Variants in TRMT9B observed in about 807,000 individuals in gnomAD.
The protein encoded by TRMT9B is probable tRNA methyltransferase 9B.
In TRMT9B, 16 loss-of-function variants were observed where a neutral mutation model predicts 11.5. The observed-to-expected ratio is 1.39, with a 90% CI of 0.94 to 2.11. The LOEUF is 2.11. Among genes scored for constraint, TRMT9B ranks in the 30% most tolerant of loss-of-function variants. The pLI is 0.00. For synonymous variants in TRMT9B, 274 were observed against 192.4 expected, an observed-to-expected ratio of 1.42 and a Z score of -3.51; for missense variants, 941 against 553.8, an observed-to-expected ratio of 1.70 and a Z score of -7.02.
intron 2 of TRMT9B, among the ~76,000 whole-genome samples, chr8:12,998,879 C>A (rs1408268489): frequency 6.6e-6 from 1 of 152,200 alleles, no homozygotes; most frequent in African/African-American, 2.4e-5. Context: ...TGGGAAAAAA[C>A]CTTTTTACTT....
At chr8:12,993,666 C>T (rs935027372) in intron 2 of TRMT9B, among the ~76,000 whole-genome samples, 6 of 152,192 alleles carry the variant, frequency 3.9e-5, no homozygotes, top group Non-Finnish European at 7.3e-5. Flanking sequence ...TCCAATAGCA[C>T]ATTGCTATCT....
intron 3 of TRMT9B, chr8:13,011,073 C>A (rs2946483): frequency 2.4e-6 from 1 of 423,338 alleles, no homozygotes; most frequent in African/African-American, 2.2e-5. Flanking sequence ...CAACCTCCAC[C>A]TCCTGAATTT....
At chr8:12,954,650 C>G (rs1801068369) in intron 1 of TRMT9B, among the ~76,000 whole-genome samples, 1 of 152,192 alleles carries the variant, frequency 6.6e-6, no homozygotes, top group South Asian at 2.1e-4. Flanking sequence ...ATTAAGATAA[C>G]TGGAGAATTC....
At chr8:12,978,015 C>A (rs180881421) in intron 1 of TRMT9B, among the ~76,000 whole-genome samples, 2 of 152,050 alleles carry the variant, frequency 1.3e-5, no homozygotes, top group Admixed American at 6.6e-5. Context: ...CATGACAGAG[C>A]GAGACCCTGT....
chr8:13,012,471 AG>A, intron 3 of TRMT9B: 1 of 560,632 alleles, frequency 1.8e-6, no homozygotes, highest in Non-Finnish European at 2.6e-6. Context: ...CCTACTCGGG[AG>A]GCTAAGGCAA....
chr8:13,012,562 G>T (rs752070881), intron 3 of TRMT9B, 122 bp from the exon 4 acceptor site: 4 of 1,274,016 alleles, frequency 3.1e-6, no homozygotes, highest in African/African-American at 3.0e-5. Flanking sequence ...GTGACTGAGG[G>T]AGACTCTGTC....
At chr8:12,989,154 A>G (rs1317199773) in intron 1 of TRMT9B, among the ~76,000 whole-genome samples, 1 of 152,152 alleles carries the variant, frequency 6.6e-6, no homozygotes, top group Non-Finnish European at 1.5e-5. Flanking sequence ...AGGAAAATAC[A>G]CGCATGGCTT....
intron 1 of TRMT9B, among the ~76,000 whole-genome samples, chr8:12,978,747 C>G (rs1399770408): frequency 6.6e-6 from 1 of 152,204 alleles, no homozygotes; most frequent in Non-Finnish European, 1.5e-5. Flanking sequence ...TAGGCCACCA[C>G]TGAGTCCAGG....
intron 2 of TRMT9B, among the ~76,000 whole-genome samples, chr8:12,995,185 A>G (rs1808121981): frequency 6.6e-6 from 1 of 152,220 alleles, no homozygotes; most frequent in South Asian, 2.1e-4. Context: ...TTTCTAGAGC[A>G]AGAATTGTTA....
rs1164979223 is a variant in TRMT9B at position 13,022,279 on chromosome 8, G to T, written c.*235G>T. On this transcript the variant is annotated 3_prime_UTR_variant, in exon 5 of 5. Coordinates refer to ENST00000524591, the MANE Select transcript of TRMT9B (RefSeq NM_020844.3). ...TAAATGTTAATATACAAGATCTGAAGAAGCAACAGAAAGTACCCTTCAGTA... is the reference window on the plus strand; with the variant it reads ...TAAATGTTAATATACAAGATCTGAATAAGCAACAGAAAGTACCCTTCAGTA... The T allele has an allele frequency of 2.3e-6, 1 of 436,664 alleles. No homozygotes were observed. Among genetic ancestry groups the T allele is most frequent in the South Asian group, 5.1e-5 (1 of 19,760 alleles). The allele number at this position is 436,664 out of a possible 1,614,324, so 27.0% of individuals were successfully genotyped here.
At chr8:12,962,134 G>T (rs28367299) in intron 1 of TRMT9B, 1 of 152,386 alleles carries the variant, frequency 6.6e-6, no homozygotes, top group Non-Finnish European at 1.5e-5. Context: ...GCTTTCCTCT[G>T]CAGGAAGCTC....
chr8:12,970,246 G>A (rs1803404188), intron 1 of TRMT9B: 1 of 152,242 alleles, frequency 6.6e-6, no homozygotes, highest in East Asian at 1.9e-4. Flanking sequence ...TTATTAAACA[G>A]ACCAGTGCCT....
intron 4 of TRMT9B, among the ~76,000 whole-genome samples, chr8:13,016,530 G>C (rs1450824656): frequency 6.6e-6 from 1 of 151,434 alleles, no homozygotes; most frequent in Admixed American, 6.6e-5. Context: ...AAATATATAA[G>C]TATATATATA....
intron 2 of TRMT9B, among the ~76,000 whole-genome samples, chr8:13,002,677 T>C (rs1307784242): frequency 1.3e-5 from 2 of 152,200 alleles, no homozygotes; most frequent in Non-Finnish European, 1.5e-5. Context: ...AATTATATTA[T>C]CATCATTCGG....
chr8:12,993,510 T>C lies in TRMT9B; in HGVS notation c.-2+2479T>C, dbSNP rs541165575. 7.2e-5 allele frequency among the ~76,000 whole-genome samples: 11 copies of C among 152,086 alleles called. No homozygotes were observed. The South Asian group carries it at 2.3e-3, about 32-fold the overall frequency. On this transcript the variant is annotated intron_variant, in intron 2 of 4. Coordinates refer to ENST00000524591, the MANE Select transcript of TRMT9B (RefSeq NM_020844.3). ...ATCTTTATGAATATATTAGAGGGGA[T>C]AGATGTGGGGGGTGCAGAGACAGCA... is the stretch of plus-strand genomic sequence containing the variant.
intron 1 of TRMT9B, among the ~76,000 whole-genome samples, chr8:12,986,649 A>C (rs1167858416): frequency 1.3e-5 from 2 of 152,158 alleles, no homozygotes; most frequent in Non-Finnish European, 2.9e-5. Flanking sequence ...CCATTACTAA[A>C]GTTTCCTTTG....
chr8:12,994,515 A>G (rs1807985694), intron 2 of TRMT9B, among the ~76,000 whole-genome samples: 2 of 152,028 alleles, frequency 1.3e-5, no homozygotes, highest in East Asian at 1.9e-4. Context: ...AAGTGCCCGG[A>G]GGTGACTTAA....
At chr8:13,009,184 C>T (rs1201775653) in intron 3 of TRMT9B, among the ~76,000 whole-genome samples, 2 of 152,060 alleles carry the variant, frequency 1.3e-5, no homozygotes, top group Non-Finnish European at 2.9e-5. Flanking sequence ...CTCACTTATA[C>T]ATGGGATCTA....
intron 1 of TRMT9B, among the ~76,000 whole-genome samples, chr8:12,957,761 G>A (rs1294940685): frequency 1.3e-5 from 2 of 152,144 alleles, no homozygotes; most frequent in Non-Finnish European, 2.9e-5. Flanking sequence ...TTAAAAAATT[G>A]TAATAAAATA....
Sources: gnomAD v4.1 joint callset for allele counts (sites outside exome capture counted in the v4.1 genomes callset) on GRCh38, gnomAD v4.1.1 for gene constraint, MANE v1.5 for transcripts, NCBI Gene and HGNC (gene_info 2026-07-23, HGNC 2026-07-21) for gene names.